The following HEATR5B variants were observed in gnomAD, a reference collection of about 807,000 sequenced individuals.
The protein encoded by HEATR5B is HEAT repeat containing 5B.
A neutral mutation model predicts 224.1 loss-of-function variants in HEATR5B; 156 were observed. The ratio of observed to expected loss-of-function variants is 0.70; its 90% CI spans 0.61 to 0.80. The LOEUF (loss-of-function observed/expected upper bound fraction) is 0.80. Among genes scored for constraint, HEATR5B ranks in the 30% least tolerant of loss-of-function variants. The pLI is 0.00. For synonymous variants in HEATR5B, 1,027 were observed against 893.0 expected, an observed-to-expected ratio of 1.15 and a Z score of -2.68; for missense variants, 2,323 against 2,535.5, an observed-to-expected ratio of 0.92 and a Z score of 1.80.
intron 16 of HEATR5B, among the ~76,000 whole-genome samples, chr2:37,054,822 T>C (rs1275937816): frequency 2.0e-5 from 3 of 152,252 alleles, no homozygotes; most frequent in Admixed American, 2.0e-4. Context: ...TGAGAGAGCA[T>C]TCTTCTAAAA....
At chr2:37,032,888 T>G (rs571533920) in intron 21 of HEATR5B, 115 bp from the exon 22 acceptor site, 16 of 953,918 alleles carry the variant, frequency 1.7e-5, no homozygotes, top group Middle Eastern at 6.9e-4. Flanking sequence ...TGTTTTGTTT[T>G]TTTTTTTTTG....
At chr2:36,992,965 C>A (rs1172030205) in intron 33 of HEATR5B, among the ~76,000 whole-genome samples, 1 of 152,100 alleles carries the variant, frequency 6.6e-6, no homozygotes, top group Non-Finnish European at 1.5e-5. Flanking sequence ...CCTAAAGCAA[C>A]CCTCCCACCT....
chr2:37,038,918 G>GCA (rs1553313678), intron 20 of HEATR5B, among the ~76,000 whole-genome samples: 1 of 144,618 alleles, frequency 6.9e-6, no homozygotes, highest in Non-Finnish European at 1.5e-5. Context: ...GGGGGGGGTG[G>GCA]GGAATCACAT....
At chr2:37,007,654 T>C (rs572589394) in intron 28 of HEATR5B, among the ~76,000 whole-genome samples, 18 of 152,294 alleles carry the variant, frequency 1.2e-4, no homozygotes, top group Middle Eastern at 6.8e-3. Context: ...CTATTATACA[T>C]GTTCGCTCAT....
chr2:37,073,917 T>C (rs1192778990), intron 5 of HEATR5B, among the ~76,000 whole-genome samples: 1 of 152,166 alleles, frequency 6.6e-6, no homozygotes, highest in Non-Finnish European at 1.5e-5. Flanking sequence ...GACAAATGGA[T>C]CAATGAAACA....
intron 28 of HEATR5B, 35 bp downstream of exon 28, chr2:37,008,576 C>T (rs1667577906): frequency 7.0e-7 from 1 of 1,432,796 alleles, no homozygotes; most frequent in African/African-American, 1.4e-5. Flanking sequence ...CTACTTTGAA[C>T]TCCATAAAAG....
chr2:37,074,963 G>A (rs1672134983), intron 5 of HEATR5B, among the ~76,000 whole-genome samples: 1 of 152,234 alleles, frequency 6.6e-6, no homozygotes, highest in Admixed American at 6.5e-5. Flanking sequence ...TACACTGCTA[G>A]TAGAAATGCA....
chr2:36,990,100 C>T (rs1283761032), intron 34 of HEATR5B, among the ~76,000 whole-genome samples: 1 of 151,718 alleles, frequency 6.6e-6, no homozygotes, highest in Non-Finnish European at 1.5e-5. Context: ...GATGGGGTTT[C>T]ACTACAGGCT....
At chr2:37,060,376 CT>C (rs1212897338) in intron 12 of HEATR5B, among the ~76,000 whole-genome samples, 1 of 152,034 alleles carries the variant, frequency 6.6e-6, no homozygotes, top group Non-Finnish European at 1.5e-5. Context: ...GGTCTAAACA[CT>C]TTTTCAGAGT....
rs188944175 is a variant in HEATR5B, at chr2:37,082,409, T to C, written c.126+880A>G. Among the ~76,000 whole-genome samples the C allele has an allele frequency of 1.1e-4, 17 of 152,104 alleles. No individual in the cohort carries two copies. In the East Asian group the frequency reaches 2.7e-3, roughly 24 times the overall value. Reference sequence around the variant, plus strand: ...CTACTTTTAAAGACAGAATATAAAATACACAGACAATAAAAAGTAAGTTGA... The same window carrying C: ...CTACTTTTAAAGACAGAATATAAAACACACAGACAATAAAAAGTAAGTTGA... On this transcript the variant is annotated intron_variant, in intron 2 of 35. Transcript: ENST00000233099.
chr2:36,981,794 C>T lies in HEATR5B; in HGVS notation c.5912G>A (p.Arg1971Lys), dbSNP rs1665598585. The T allele has an allele frequency of 5.0e-6, 8 of 1,587,826 alleles. No individual in the cohort carries two copies. Among genetic ancestry groups the T allele is most frequent in the Non-Finnish European group, 6.9e-6 (8 of 1,167,676 alleles). Residue 1971 changes from arginine (R) to lysine (K), a missense_variant and splice_region_variant, in exon 36 of 36, where the codon AGA (arginine) becomes AAA (lysine). By Grantham distance (26) the Arg-to-Lys change is conservative. Transcript: ENST00000233099. ...AACTAAAAGAGCAAGTAGCTGGACTCCTGTAAATAATAAAGTATGAAAAAA... is the reference window on the plus strand; with the variant it reads ...AACTAAAAGAGCAAGTAGCTGGACTTCTGTAAATAATAAAGTATGAAAAAA... ...TLVALGEEQN[R>K]VQLLALLVPT... is the part of the protein sequence containing the mutation.
At chr2:37,072,797 G>C (rs1263352212) in intron 5 of HEATR5B, among the ~76,000 whole-genome samples, 1 of 151,460 alleles carries the variant, frequency 6.6e-6, no homozygotes, top group Non-Finnish European at 1.5e-5. Flanking sequence ...TCAGAAATGA[G>C]AGAGGTCAAA....
At chr2:37,076,145 CAT>C (rs5830453) in intron 4 of HEATR5B, 131,844 of 151,908 alleles carry the variant, frequency 0.87, 57,767 homozygotes, top group East Asian at 1. Flanking sequence ...ATAGTATACT[CAT>C]CACAGTGTAT....
chr2:36,981,267 CATT>C lies in HEATR5B; in HGVS notation c.*220_*222del, dbSNP rs1325033595. ...AATAAATAAGTTAACAAAAGAGAAA[CATT>C]ATTAGGAGGAAAATGAAAACATATT... On this transcript the variant is annotated 3_prime_UTR_variant, in exon 36 of 36. Coordinates refer to ENST00000233099, the MANE Select transcript of HEATR5B (RefSeq NM_019024.3). 1.7e-5 allele frequency: 7 copies of C among 414,118 alleles called. No homozygotes were observed. Among genetic ancestry groups the C allele is most frequent in the Non-Finnish European group, 3.0e-5 (7 of 236,088 alleles). The allele number at this position is 414,118 out of a possible 1,614,324, so 25.7% of individuals were successfully genotyped here.
In HEATR5B at chr2:37,034,975, C is replaced by A. The variant is rs533862192; in HGVS notation, c.3217-2202G>T. On this transcript the variant is annotated intron_variant, in intron 21 of 35. Transcript: ENST00000233099. Reference sequence around the variant, plus strand: ...CATATCACATGGGAAGAACAAGTCACTTAGTCTCTTGAAGTTTCTGCCTTT... The same window carrying A: ...CATATCACATGGGAAGAACAAGTCAATTAGTCTCTTGAAGTTTCTGCCTTT... 1.1e-4 allele frequency among the ~76,000 whole-genome samples: 17 copies of A among 152,340 alleles called. No individual in the cohort carries two copies. In the South Asian group the frequency reaches 3.3e-3, roughly 30 times the overall value.
chr2:37,058,672 T>C, intron 13 of HEATR5B, 112 bp from the exon 14 acceptor site: 2 of 748,466 alleles, frequency 2.7e-6, no homozygotes, highest in Non-Finnish European at 2.2e-6. Flanking sequence ...GTATACACTT[T>C]CATTTTAGCT....
chr2:37,070,396 A>C lies in HEATR5B; in HGVS notation c.770-9T>G. Reference sequence around the variant, plus strand: ...CACATTCTGACGCATTACTTTCAAGAAGAAAAATTAAAGTATAAGCAAATA... The same window carrying C: ...CACATTCTGACGCATTACTTTCAAGCAGAAAAATTAAAGTATAAGCAAATA... On this transcript the variant is annotated splice_polypyrimidine_tract_variant and intron_variant, in intron 6 of 35. Transcript: ENST00000233099. 2 of 1,609,040 alleles carry C rather than the reference A, an allele frequency of 1.2e-6. No homozygotes were observed. Among genetic ancestry groups the C allele is most frequent in the Non-Finnish European group, 1.7e-6 (2 of 1,176,578 alleles).
rs769509343 is a variant in HEATR5B, at chr2:37,065,832, C to G, written c.1256G>C (p.Cys419Ser). The change falls in exon 9 of 36, where the codon TGT becomes TCT. Residue 419 changes from cysteine to serine, a missense_variant. Around this residue, in one of 12 missense-constraint regions of HEATR5B, gnomAD observed 502 missense variants for 517.8 expected, o/e 0.97. Coordinates refer to ENST00000233099, the MANE Select transcript of HEATR5B (RefSeq NM_019024.3). Reference sequence around the variant, plus strand: ...CAGGCTCCCGAGTTCCTGGAGGGCACAGACCATCACATGCTGGCTTGCTGC... The same window carrying G: ...CAGGCTCCCGAGTTCCTGGAGGGCAGAGACCATCACATGCTGGCTTGCTGC... ...DIAASQHVMVCALQELGSLVQ... is the reference protein window; with the variant it reads ...DIAASQHVMVSALQELGSLVQ... 3.7e-6 allele frequency: 6 copies of G among 1,613,992 alleles called. No individual in the cohort carries two copies. Among genetic ancestry groups the G allele is most frequent in the Non-Finnish European group, 5.1e-6 (6 of 1,179,914 alleles).
At chr2:37,023,812 A>C (rs564834738) in intron 24 of HEATR5B, among the ~76,000 whole-genome samples, 2 of 152,164 alleles carry the variant, frequency 1.3e-5, no homozygotes, top group East Asian at 3.9e-4. Context: ...AAATAAAAAG[A>C]ATATCAGTTG....
Sources: allele counts gnomAD v4.1 joint callset (sites outside exome capture counted in the v4.1 genomes callset), GRCh38; gene constraint gnomAD v4.1.1; regional missense constraint gnomAD v4.1.1; transcripts MANE v1.5; gene names NCBI Gene and HGNC (gene_info 2026-07-23, HGNC 2026-07-21).